The following WWTR1 variants were observed in gnomAD, a reference collection of about 807,000 sequenced individuals.
WWTR1 encodes WW domain containing transcription regulator 1, also known as WW domain-containing transcription regulator protein 1.
In WWTR1, 13 loss-of-function variants were observed where a neutral mutation model predicts 40.1. That is an observed-to-expected ratio of 0.32 (90% CI 0.21 to 0.52). The LOEUF (loss-of-function observed/expected upper bound fraction) is 0.52, where lower values mean the gene tolerates loss of function less well. Ranked by LOEUF, WWTR1 falls within the 20% of genes least tolerant of loss-of-function variation. The pLI, the probability that WWTR1 is intolerant of heterozygous loss-of-function variation, is 0.97. For synonymous variants in WWTR1, 230 were observed against 210.1 expected (o/e 1.09, Z -0.82); for missense variants, 436 against 523.1 (o/e 0.83, Z 1.63).
intron 3 of WWTR1, among the ~76,000 whole-genome samples, chr3:149,559,104 G>A (rs1393485515): frequency 2.6e-5 from 4 of 151,950 alleles, no homozygotes; most frequent in African/African-American, 9.7e-5. Flanking sequence ...GACCAGCCTG[G>A]CCAACATGGG....
At chr3:149,523,834 GAGA>G (rs1735169928) in intron 6 of WWTR1, among the ~76,000 whole-genome samples, 2 of 152,292 alleles carry the variant, frequency 1.3e-5, no homozygotes, top group Middle Eastern at 3.4e-3. Flanking sequence ...TTCTCCCCTT[GAGA>G]AGATGTATGT....
At chr3:149,592,943 G>A (rs555788779) in intron 2 of WWTR1, among the ~76,000 whole-genome samples, 87 of 151,946 alleles carry the variant, frequency 5.7e-4, no homozygotes, top group African/African-American at 2.1e-3. Context: ...ATGTCACTGG[G>A]GCATGCCACA....
intron 3 of WWTR1, among the ~76,000 whole-genome samples, chr3:149,560,488 A>T (rs1737035591): frequency 6.6e-6 from 1 of 152,212 alleles, no homozygotes; most frequent in South Asian, 2.1e-4. Context: ...ATCCAATTCC[A>T]TTTGGAGAGA....
At chr3:149,718,194 C>A (rs904843285) in intron 4 of WWTR1, among the ~76,000 whole-genome samples, 3 of 152,054 alleles carry the variant, frequency 2.0e-5, no homozygotes, top group African/African-American at 7.2e-5. Flanking sequence ...CTCATTGTGA[C>A]CTTACGTTCT....
intron 1 of WWTR1, among the ~76,000 whole-genome samples, chr3:149,675,507 C>T (rs1298503166): frequency 1.3e-5 from 2 of 152,088 alleles, no homozygotes; most frequent in Non-Finnish European, 2.9e-5. Context: ...TTCAGCCACC[C>T]AGCCTCCTGA....
At chr3:149,570,555 G>A (rs1270380796) in intron 3 of WWTR1, among the ~76,000 whole-genome samples, 2 of 149,016 alleles carry the variant, frequency 1.3e-5, no homozygotes, top group South Asian at 2.2e-4. Context: ...ATGACAGGGT[G>A]AGCCTCTTTC....
At chr3:149,697,805 G>C (rs1274009086) in intron 1 of WWTR1, among the ~76,000 whole-genome samples, 1 of 152,160 alleles carries the variant, frequency 6.6e-6, no homozygotes, top group East Asian at 1.9e-4. Flanking sequence ...AAAAAAACAA[G>C]TTATTGAATT....
At chr3:149,569,002 G>C (rs773932874) in intron 3 of WWTR1, among the ~76,000 whole-genome samples, 1 of 152,140 alleles carries the variant, frequency 6.6e-6, no homozygotes, top group Non-Finnish European at 1.5e-5. Context: ...TCCTGACCTC[G>C]TGATCCTCCC....
intron 1 of WWTR1, among the ~76,000 whole-genome samples, chr3:149,691,429 AAAAG>A (rs1225281433): frequency 6.6e-6 from 1 of 152,030 alleles, no homozygotes; most frequent in Non-Finnish European, 1.5e-5. Context: ...GACTAGGAAA[AAAAG>A]AAAGAAGACT....
chr3:149,643,643 A>G (rs1249391382), intron 2 of WWTR1, among the ~76,000 whole-genome samples: 9 of 152,158 alleles, frequency 5.9e-5, no homozygotes, highest in Non-Finnish European at 1.0e-4. Context: ...ACCTTATCTA[A>G]TTGAGATCTT....
chr3:149,656,375 G>A (rs77164231), intron 2 of WWTR1, among the ~76,000 whole-genome samples: 10,140 of 152,178 alleles, frequency 0.067, 843 homozygotes, highest in African/African-American at 0.19. Flanking sequence ...GGAGCACTAT[G>A]GCCTACCAAC....
chr3:149,692,691 T>C (rs1010034594), intron 1 of WWTR1, among the ~76,000 whole-genome samples: 4 of 152,134 alleles, frequency 2.6e-5, no homozygotes, highest in African/African-American at 7.2e-5. Flanking sequence ...TGGAGTGCAA[T>C]GGTGCGATCT....
At chr3:149,661,415 G>C (rs539355729), upstream of WWTR1, 1 of 132,580 alleles carries the variant, frequency 7.5e-6, no homozygotes, top group African/African-American at 2.8e-5. Flanking sequence ...ATAAAAAGTT[G>C]CAAATAAAGT....
chr3:149,675,734 T>C (rs1035236155), intron 1 of WWTR1, among the ~76,000 whole-genome samples: 2 of 151,666 alleles, frequency 1.3e-5, no homozygotes, highest in African/African-American at 4.9e-5. Flanking sequence ...TTTTTTTTTT[T>C]GAGATGGAGT....
chr3:149,708,779 T>G (rs1161612826), intron 5 of WWTR1, among the ~76,000 whole-genome samples: 3 of 152,198 alleles, frequency 2.0e-5, no homozygotes, highest in Non-Finnish European at 1.5e-5. Flanking sequence ...AACATGAAGG[T>G]GCAGATATCT....
intron 2 of WWTR1, among the ~76,000 whole-genome samples, chr3:149,615,045 A>G (rs1739909238): frequency 6.6e-6 from 1 of 152,212 alleles, no homozygotes; most frequent in Non-Finnish European, 1.5e-5. Context: ...GTCTACTAGT[A>G]TTGAGGTATG....
intron 6 of WWTR1, among the ~76,000 whole-genome samples, chr3:149,522,149 G>A (rs1735079170): frequency 6.6e-6 from 1 of 152,158 alleles, no homozygotes; most frequent in Non-Finnish European, 1.5e-5. Context: ...TGATAACTAA[G>A]GCCAGCTTCC....
intron 4 of WWTR1, among the ~76,000 whole-genome samples, chr3:149,723,069 C>T (rs1715792288): frequency 6.6e-6 from 1 of 151,464 alleles, no homozygotes; most frequent in African/African-American, 2.4e-5. Context: ...CATACATTTC[C>T]GTTTCTTTGC....
chr3:149,645,280 C>T (rs967374107), intron 2 of WWTR1, among the ~76,000 whole-genome samples: 13 of 151,936 alleles, frequency 8.6e-5, no homozygotes, highest in Non-Finnish European at 1.3e-4. Context: ...GGGGTTTCAC[C>T]GTGTTAGCCA....
Sources: allele counts gnomAD v4.1 joint callset (sites outside exome capture counted in the v4.1 genomes callset), GRCh38; gene constraint gnomAD v4.1.1; transcripts MANE v1.5; gene names NCBI Gene and HGNC (gene_info 2026-07-23, HGNC 2026-07-21).